ZFPM2: variants seen among roughly 807,000 people sequenced by gnomAD.
ZFPM2 encodes the protein zinc finger protein ZFPM2.
A neutral mutation model predicts 98.6 loss-of-function variants in ZFPM2; 20 were observed. That is an observed-to-expected ratio of 0.20 (90% CI 0.14 to 0.29). The LOEUF (loss-of-function observed/expected upper bound fraction) is 0.29. Among genes scored for constraint, ZFPM2 ranks in the 10% least tolerant of loss-of-function variants. The pLI, the probability that ZFPM2 is intolerant of heterozygous loss-of-function variation, is 1.00. For missense variants in ZFPM2, 1,310 were observed against 1,388.6 expected, an observed-to-expected ratio of 0.94 and a Z score of 0.90; for synonymous variants, 518 against 502.7, an observed-to-expected ratio of 1.03 and a Z score of -0.41.
intron 4 of ZFPM2, among the ~76,000 whole-genome samples, chr8:105,580,057 GTATC>G (rs1815554185): frequency 6.6e-6 from 1 of 152,110 alleles, no homozygotes; most frequent in Admixed American, 6.6e-5. Context: ...AAGGGCTTCA[GTATC>G]TATCTACTAC....
intron 2 of ZFPM2, among the ~76,000 whole-genome samples, chr8:105,432,589 G>A (rs1326853718): frequency 6.6e-6 from 1 of 152,124 alleles, no homozygotes; most frequent in Admixed American, 6.5e-5. Context: ...CAATAGAATT[G>A]TGATGGGGTT....
At chr8:105,472,488 T>C (rs1812923122) in intron 3 of ZFPM2, among the ~76,000 whole-genome samples, 1 of 152,086 alleles carries the variant, frequency 6.6e-6, no homozygotes, top group African/African-American at 2.4e-5. Context: ...TGAACACTCC[T>C]TGTGTTTTGT....
At chr8:105,402,595 A>G (rs1402606180) in intron 1 of ZFPM2, among the ~76,000 whole-genome samples, 1 of 152,034 alleles carries the variant, frequency 6.6e-6, no homozygotes, top group African/African-American at 2.4e-5. Flanking sequence ...ATATGTGTTT[A>G]CTAACCTTGG....
chr8:105,566,587 G>A (rs1815248428), intron 4 of ZFPM2, among the ~76,000 whole-genome samples: 1 of 152,166 alleles, frequency 6.6e-6, no homozygotes, highest in African/African-American at 2.4e-5. Flanking sequence ...GTGCTAGCAC[G>A]TGGTAGTGCT....
chr8:105,364,976 A>C (rs1810479718), intron 1 of ZFPM2, among the ~76,000 whole-genome samples: 1 of 151,690 alleles, frequency 6.6e-6, no homozygotes, highest in African/African-American at 2.4e-5. Context: ...CTTCCTTGTC[A>C]CTTCCCCATT....
intron 1 of ZFPM2, among the ~76,000 whole-genome samples, chr8:105,393,231 G>C (rs1006238015): frequency 6.6e-5 from 10 of 152,090 alleles, no homozygotes; most frequent in Non-Finnish European, 1.3e-4. Context: ...GGCTGGTGTA[G>C]AAGACAGCCT....
intron 5 of ZFPM2, among the ~76,000 whole-genome samples, chr8:105,720,565 T>C (rs1397705657): frequency 6.6e-6 from 1 of 151,826 alleles, no homozygotes; most frequent in Non-Finnish European, 1.5e-5. Context: ...CAGATTTAGC[T>C]CAATCATTTC....
At position 105,617,373 on chromosome 8, in the gene ZFPM2, G is replaced by C. The variant is rs1586152747; in HGVS notation, c.421-16873G>C. Among the ~76,000 whole-genome samples, 3 of 152,042 alleles carry C rather than the reference G, an allele frequency of 2.0e-5. No homozygotes were observed. In the East Asian group the frequency reaches 5.8e-4, roughly 29 times the overall value. On this transcript the variant is annotated intron_variant, in intron 4 of 7. Coordinates refer to ENST00000407775, the MANE Select transcript of ZFPM2 (RefSeq NM_012082.4). Reference sequence around the variant, plus strand: ...AGGTGAAACTGCTCTGTCAGATTTTGATCCAGTCTACCTGTGAGCAACACC... The same window carrying C: ...AGGTGAAACTGCTCTGTCAGATTTTCATCCAGTCTACCTGTGAGCAACACC...
intron 3 of ZFPM2, among the ~76,000 whole-genome samples, chr8:105,490,874 A>G (rs1192743811): frequency 2.0e-5 from 3 of 152,214 alleles, no homozygotes; most frequent in Non-Finnish European, 4.4e-5. Context: ...TTTCTAACAT[A>G]TAACTAATGA....
At chr8:105,476,239 A>G (rs1813010168) in intron 3 of ZFPM2, among the ~76,000 whole-genome samples, 1 of 152,192 alleles carries the variant, frequency 6.6e-6, no homozygotes, top group Non-Finnish European at 1.5e-5. Context: ...AGACAGGTAC[A>G]GGCCCATGGC....
At chr8:105,365,160 G>A (rs1810482749) in intron 1 of ZFPM2, among the ~76,000 whole-genome samples, 1 of 152,094 alleles carries the variant, frequency 6.6e-6, no homozygotes, top group Non-Finnish European at 1.5e-5. Flanking sequence ...TGTTTTTGGT[G>A]ATCACATAAC....
At chr8:105,350,195 A>G (rs1812614336) in intron 1 of ZFPM2, among the ~76,000 whole-genome samples, 1 of 152,232 alleles carries the variant, frequency 6.6e-6, no homozygotes, top group Admixed American at 6.5e-5. Flanking sequence ...ATATCAAGGT[A>G]CATTTTGAGC....
intron 5 of ZFPM2, among the ~76,000 whole-genome samples, chr8:105,716,419 T>C (rs527566332): frequency 1.3e-5 from 2 of 152,042 alleles, no homozygotes; most frequent in South Asian, 4.2e-4. Flanking sequence ...CACATAAATA[T>C]ATATACATAC....
At chr8:105,597,361 G>A (rs1815993547) in intron 4 of ZFPM2, among the ~76,000 whole-genome samples, 1 of 152,054 alleles carries the variant, frequency 6.6e-6, no homozygotes, top group Admixed American at 6.6e-5. Flanking sequence ...TTAAAACTAA[G>A]TATATGGAGA....
At position 105,330,553 on chromosome 8, in the gene ZFPM2, C is replaced by CATATAT. The variant is rs61051244; in HGVS notation, c.40+11582_40+11587dup. ...CTCTCTCTCTCTATATATATATATA[C>CATATAT]ATATATATATATATACATATATATA... is the stretch of plus-strand genomic sequence containing the variant. On this transcript the variant is annotated intron_variant, in intron 1 of 7. Transcript: ENST00000407775. Among the ~76,000 whole-genome samples, 85 of 92,432 alleles carry CATATAT rather than the reference C, an allele frequency of 9.2e-4. 1 individual carries two copies. The highest frequency in any genetic ancestry group is 5.5e-3 in the Admixed American group (42 of 7,686). 60.6% of individuals were successfully genotyped at this position (92,432 alleles called of 152,430 possible).
At chr8:105,588,231 A>G (rs1815767054) in intron 4 of ZFPM2, among the ~76,000 whole-genome samples, 1 of 152,184 alleles carries the variant, frequency 6.6e-6, no homozygotes, top group Non-Finnish European at 1.5e-5. Context: ...GTCTGGCTAC[A>G]TATATCGGGC....
chr8:105,630,058 C>T (rs180757024), intron 4 of ZFPM2, among the ~76,000 whole-genome samples: 50 of 152,272 alleles, frequency 3.3e-4, no homozygotes, highest in African/African-American at 1.2e-3. Flanking sequence ...ATTTTCCTGC[C>T]TACCACACCT....
intron 1 of ZFPM2, among the ~76,000 whole-genome samples, chr8:105,408,456 A>T (rs1811508148): frequency 6.6e-6 from 1 of 151,712 alleles, no homozygotes; most frequent in Admixed American, 6.6e-5. Flanking sequence ...CGGATTGAAC[A>T]TGTTGATTTT....
intron 3 of ZFPM2, among the ~76,000 whole-genome samples, chr8:105,502,711 G>A (rs1813619479): frequency 6.6e-6 from 1 of 152,130 alleles, no homozygotes; most frequent in Admixed American, 6.5e-5. Context: ...GTAGATAAGG[G>A]CAAAGTAATA....
Sources: gnomAD v4.1 joint callset for allele counts (sites outside exome capture counted in the v4.1 genomes callset) on GRCh38, gnomAD v4.1.1 for gene constraint, MANE v1.5 for transcripts, NCBI Gene and HGNC (gene_info 2026-07-23, HGNC 2026-07-21) for gene names.